EYS: variants seen among roughly 807,000 people sequenced by gnomAD.
EYS encodes the protein EGF-like photoreceptor maintenance factor.
EYS carries 250 observed loss-of-function variants against 282.1 expected under a neutral mutation model. The ratio of observed to expected loss-of-function variants is 0.89; its 90% CI spans 0.80 to 0.98. The LOEUF is 0.98. EYS is among the 50% of genes least tolerant of loss of function. EYS has a pLI of 0.00. For synonymous variants in EYS, 1,355 were observed against 1,282.9 expected (o/e 1.06, Z -1.20); for missense variants, 4,016 against 3,709.0 (o/e 1.08, Z -2.15).
intron 26 of EYS, among the ~76,000 whole-genome samples, chr6:64,508,580 T>TATG (rs1420372195): frequency 6.8e-6 from 1 of 147,738 alleles, no homozygotes; most frequent in Admixed American, 6.8e-5. Context: ...TTATTATTAT[T>TATG]ATTATTATTA....
At chr6:64,245,776 G>A (rs370391562) in intron 30 of EYS, among the ~76,000 whole-genome samples, 6 of 152,144 alleles carry the variant, frequency 3.9e-5, no homozygotes, top group African/African-American at 1.4e-4. Context: ...ATTTGTGTTT[G>A]CTTTGTCCAT....
intron 12 of EYS, among the ~76,000 whole-genome samples, chr6:65,220,548 G>A (rs1003354840): frequency 9.2e-5 from 14 of 152,212 alleles, no homozygotes; most frequent in African/African-American, 2.4e-4. Context: ...CCCAGCATGC[G>A]GAACTGTGAG....
At chr6:65,071,717 A>T (rs1773908038) in intron 12 of EYS, among the ~76,000 whole-genome samples, 1 of 151,888 alleles carries the variant, frequency 6.6e-6, no homozygotes, top group African/African-American at 2.4e-5. Flanking sequence ...TCTTAAATAG[A>T]TGTGAAGTAT....
chr6:65,361,445 T>A (rs980182834), intron 8 of EYS, among the ~76,000 whole-genome samples: 1 of 151,970 alleles, frequency 6.6e-6, no homozygotes, highest in Non-Finnish European at 1.5e-5. Context: ...CAGGAATTTC[T>A]TTCTCTTTTT....
intron 35 of EYS, among the ~76,000 whole-genome samples, chr6:63,877,136 C>A (rs1175123185): frequency 6.6e-6 from 1 of 152,134 alleles, no homozygotes; most frequent in Non-Finnish European, 1.5e-5. Flanking sequence ...TTAGTGCTTC[C>A]TTCAGGAGCT....
intron 22 of EYS, among the ~76,000 whole-genome samples, chr6:64,643,063 C>T (rs188555942): frequency 7.3e-5 from 11 of 151,036 alleles, no homozygotes; most frequent in African/African-American, 1.7e-4. Flanking sequence ...TGTGGTGAGC[C>T]GAGATCATGC....
chr6:65,021,358 T>C (rs2150138618), intron 13 of EYS, among the ~76,000 whole-genome samples: 1 of 152,354 alleles, frequency 6.6e-6, no homozygotes, highest in Middle Eastern at 3.4e-3. Context: ...TCAGTCTCTT[T>C]GCTAAAGCAT....
intron 22 of EYS, among the ~76,000 whole-genome samples, chr6:64,655,393 T>C (rs2184403): frequency 0.64 from 97,107 of 151,810 alleles, 31,299 homozygotes; most frequent in African/African-American, 0.71. Context: ...TATCAATCTT[T>C]GATGCCTACA....
At chr6:64,452,001 CT>C (rs1775367440) in intron 26 of EYS, among the ~76,000 whole-genome samples, 1 of 152,138 alleles carries the variant, frequency 6.6e-6, no homozygotes, top group Non-Finnish European at 1.5e-5. Context: ...GTTGGAAGTT[CT>C]GGCCAGGGCA....
In EYS at chr6:65,101,662, A is replaced by T. The variant is rs568927510; in HGVS notation, c.2024-43935T>A. Among the ~76,000 whole-genome samples the T allele has an allele frequency of 2.0e-5, 3 of 151,344 alleles. No homozygotes were observed. In the East Asian group the frequency reaches 5.8e-4, roughly 29 times the overall value. On this transcript the variant is annotated intron_variant, in intron 12 of 42. Transcript: ENST00000503581. ...AGATCTCTAAATTACACTGTCCTGG[A>T]CCAAATTGCAGAGTACCTTGTCTGC...
At chr6:64,504,247 A>G (rs1045672138) in intron 26 of EYS, among the ~76,000 whole-genome samples, 7 of 152,182 alleles carry the variant, frequency 4.6e-5, no homozygotes, top group African/African-American at 1.7e-4. Flanking sequence ...CAGAATGATC[A>G]TCATCCTTGC....
chr6:64,173,523 C>T (rs1024391525), intron 31 of EYS, among the ~76,000 whole-genome samples: 22 of 152,220 alleles, frequency 1.4e-4, no homozygotes, highest in Admixed American at 3.3e-4. Flanking sequence ...CTCCCTCTAT[C>T]CGCTTCCCAT....
intron 40 of EYS, among the ~76,000 whole-genome samples, chr6:63,775,386 G>T (rs1770040469): frequency 1.3e-5 from 2 of 152,178 alleles, no homozygotes; most frequent in African/African-American, 4.8e-5. Flanking sequence ...AAGACCCTTT[G>T]ATCAGCTTTG....
chr6:64,933,911 T>G (rs1768814315), intron 15 of EYS, among the ~76,000 whole-genome samples: 1 of 151,988 alleles, frequency 6.6e-6, no homozygotes, highest in African/African-American at 2.4e-5. Context: ...ATGTTCTCAC[T>G]CGTAAGTGGG....
chr6:64,453,403 T>C (rs1775434719), intron 26 of EYS, among the ~76,000 whole-genome samples: 1 of 152,216 alleles, frequency 6.6e-6, no homozygotes. Context: ...TTTTACACTG[T>C]TGGTGGGACT....
intron 22 of EYS, among the ~76,000 whole-genome samples, chr6:64,750,676 T>C (rs1562170587): frequency 1.3e-5 from 2 of 152,190 alleles, no homozygotes; most frequent in Non-Finnish European, 2.9e-5. Flanking sequence ...TCTTTTCTTC[T>C]ACGATGTTGG....
chr6:65,128,627 G>A (rs1775783672), intron 12 of EYS, among the ~76,000 whole-genome samples: 1 of 151,942 alleles, frequency 6.6e-6, no homozygotes, highest in African/African-American at 2.4e-5. Context: ...GGAAGAGAAA[G>A]AGCTCTTCAA....
In EYS at chr6:64,662,092, A is replaced by T. The variant is rs551830578; in HGVS notation, c.3444-35847T>A. ...GTTCATGTCCTTTGTAGGGACATGGATGAAGCTGGAAACCATCATTCTCAG... is the reference window on the plus strand; with the variant it reads ...GTTCATGTCCTTTGTAGGGACATGGTTGAAGCTGGAAACCATCATTCTCAG... On this transcript the variant is annotated intron_variant, in intron 22 of 42. Transcript: ENST00000503581. Among the ~76,000 whole-genome samples, 13 of 152,004 alleles carry T rather than the reference A, an allele frequency of 8.6e-5. No individual in the cohort carries two copies. The East Asian group carries it at 2.1e-3, about 25-fold the overall frequency.
At chr6:64,280,443 TG>T (rs1768266336) in intron 30 of EYS, among the ~76,000 whole-genome samples, 1 of 152,166 alleles carries the variant, frequency 6.6e-6, no homozygotes, top group Admixed American at 6.6e-5. Context: ...ATACTATACA[TG>T]TGCTTAAGGC....
Sources: allele counts gnomAD v4.1 joint callset (sites outside exome capture counted in the v4.1 genomes callset), GRCh38; gene constraint gnomAD v4.1.1; transcripts MANE v1.5; gene names NCBI Gene and HGNC (gene_info 2026-07-23, HGNC 2026-07-21).